VPS35L: variants seen among roughly 807,000 people sequenced by gnomAD.
VPS35L encodes the protein VPS35 endosomal protein-sorting factor-like.
VPS35L carries 83 observed loss-of-function variants against 133.0 expected under a neutral mutation model. The observed-to-expected ratio is 0.62, with a 90% CI of 0.52 to 0.75. The LOEUF is 0.75. Among genes scored for constraint, VPS35L ranks in the 30% least tolerant of loss-of-function variants. VPS35L has a pLI of 0.00. For synonymous variants in VPS35L, 423 were observed against 449.9 expected, an observed-to-expected ratio of 0.94 and a Z score of 0.76; for missense variants, 1,083 against 1,206.8, an observed-to-expected ratio of 0.90 and a Z score of 1.52.
intron 21 of VPS35L, 118 bp from the exon 22 acceptor site, chr16:19,642,278 A>G: frequency 1.3e-6 from 1 of 789,544 alleles, no homozygotes; most frequent in South Asian, 1.9e-5. Flanking sequence ...GGGCTGGGTG[A>G]AATGCCAGCT....
chr16:19,597,594 CA>C (rs1972257106), intron 8 of VPS35L, among the ~76,000 whole-genome samples: 1 of 152,178 alleles, frequency 6.6e-6, no homozygotes, highest in African/African-American at 2.4e-5. Flanking sequence ...TTTACCTATT[CA>C]AAACCAAACA....
At chr16:19,555,785 G>C (rs1310766530) in intron 1 of VPS35L, 39 bp downstream of exon 1, 1 of 1,540,220 alleles carries the variant, frequency 6.5e-7, no homozygotes, top group Non-Finnish European at 8.7e-7. Context: ...GAGAGGGGCT[G>C]TCCTTACTTG....
At chr16:19,575,816 TTG>T (rs1971514038) in intron 5 of VPS35L, among the ~76,000 whole-genome samples, 2 of 148,532 alleles carry the variant, frequency 1.3e-5, no homozygotes, top group African/African-American at 5.0e-5. Flanking sequence ...TGAGCCAAGA[TTG>T]CACTCCAGCC....
At chr16:19,698,703 G>A (rs1762949540) in intron 29 of VPS35L, among the ~76,000 whole-genome samples, 1 of 152,148 alleles carries the variant, frequency 6.6e-6, no homozygotes, top group South Asian at 2.1e-4. Flanking sequence ...GAGACTCTTG[G>A]CAGCACTGAT....
At chr16:19,565,638 C>G (rs1006942383) in intron 2 of VPS35L, among the ~76,000 whole-genome samples, 1 of 152,204 alleles carries the variant, frequency 6.6e-6, no homozygotes, top group African/African-American at 2.4e-5. Flanking sequence ...CAGGAGTGAG[C>G]CACCTCGCCC....
chr16:19,665,844 C>T (rs916513952), intron 26 of VPS35L, among the ~76,000 whole-genome samples: 29 of 152,322 alleles, frequency 1.9e-4, no homozygotes, highest in East Asian at 1.2e-3. Flanking sequence ...CAGCATTTGT[C>T]GTTGCCTGTC....
chr16:19,591,552 C>T (rs1477426967), intron 7 of VPS35L, among the ~76,000 whole-genome samples: 1 of 124,554 alleles, frequency 8.0e-6, no homozygotes, highest in East Asian at 2.2e-4. Flanking sequence ...CCCATCTCTA[C>T]AAAAAAAAAA....
chr16:19,650,862 T>C (rs1374938818), intron 25 of VPS35L, among the ~76,000 whole-genome samples: 1 of 152,064 alleles, frequency 6.6e-6, no homozygotes, highest in Non-Finnish European at 1.5e-5. Flanking sequence ...TTCCTCTAGA[T>C]AATAATGATG....
intron 2 of VPS35L, among the ~76,000 whole-genome samples, chr16:19,566,917 T>C (rs766834228): frequency 5.5e-4 from 83 of 152,046 alleles, no homozygotes; most frequent in Middle Eastern, 3.2e-3. Context: ...GCCCAGCTAA[T>C]TTTTTTGTCT....
At position 19,700,553 on chromosome 16, in the gene VPS35L, C is replaced by G. The variant is rs924845069; in HGVS notation, c.*77C>G. 11 of 1,229,802 alleles carry G rather than the reference C, an allele frequency of 8.9e-6. No homozygotes were observed. In the African/African-American group the frequency reaches 1.4e-4, roughly 15 times the overall value. The allele number at this position is 1,229,802 out of a possible 1,614,324, so 76.2% of individuals were successfully genotyped here. ...TCTGCTCTGCTGCCCTGAACTCTTACGGCAATTTAGGTTTCTCATTTTTCT... is the reference window on the plus strand; with the variant it reads ...TCTGCTCTGCTGCCCTGAACTCTTAGGGCAATTTAGGTTTCTCATTTTTCT... On this transcript the variant is annotated 3_prime_UTR_variant, in exon 31 of 31. Transcript: ENST00000417362.
chr16:19,678,674 C>A (rs1476693622), intron 27 of VPS35L, among the ~76,000 whole-genome samples: 1 of 151,884 alleles, frequency 6.6e-6, no homozygotes, highest in African/African-American at 2.4e-5. Flanking sequence ...GATGGGGTTT[C>A]ACCATGTTGG....
intron 26 of VPS35L, among the ~76,000 whole-genome samples, chr16:19,658,258 G>A (rs772825626): frequency 6.6e-6 from 1 of 152,292 alleles, no homozygotes; most frequent in Non-Finnish European, 1.5e-5. Context: ...GGCTGGGCGC[G>A]GTGGCTCAGA....
intron 19 of VPS35L, among the ~76,000 whole-genome samples, chr16:19,634,950 A>G (rs1234202069): frequency 6.6e-6 from 1 of 152,236 alleles, no homozygotes; most frequent in African/African-American, 2.4e-5. Context: ...TAGTACCCTA[A>G]GAAAGACACA....
At chr16:19,616,862 CT>C in intron 14 of VPS35L, 54 bp downstream of exon 14, 1 of 1,612,312 alleles carries the variant, frequency 6.2e-7, no homozygotes, top group Non-Finnish European at 8.5e-7. Context: ...GTGACAGCCC[CT>C]GCCCACTGTG....
intron 14 of VPS35L, among the ~76,000 whole-genome samples, chr16:19,618,721 A>G (rs1295853842): frequency 6.6e-6 from 1 of 152,124 alleles, no homozygotes; most frequent in Non-Finnish European, 1.5e-5. Context: ...TGGGAGCAAT[A>G]TTAATGATTC....
chr16:19,676,124 C>T (rs143694112), intron 27 of VPS35L, among the ~76,000 whole-genome samples: 1,668 of 152,176 alleles, frequency 0.011, 37 homozygotes, highest in Non-Finnish European at 0.011. Flanking sequence ...TGGTGGCATG[C>T]GCCCATAACC....
chr16:19,621,055 G>A (rs1044063653), intron 14 of VPS35L, among the ~76,000 whole-genome samples: 2 of 152,122 alleles, frequency 1.3e-5, no homozygotes, highest in South Asian at 4.1e-4. Flanking sequence ...TATATCCATG[G>A]CATGGATTAA....
rs1975313049 is a variant in VPS35L, at chr16:19,682,352, C to T, written c.2489C>T (p.Ala830Val). The T allele has an allele frequency of 7.4e-6, 12 of 1,614,234 alleles. No individual in the cohort carries two copies. Among genetic ancestry groups the T allele is most frequent in the Non-Finnish European group, 7.6e-6 (9 of 1,180,046 alleles). Reference protein sequence around the residue: ...IYTCVLHLLSAMSQETYLYHI... With the variant: ...IYTCVLHLLSVMSQETYLYHI... ...ACCTGCGTCCTGCATCTCCTCTCCG[C>T]CATGAGCCAGGAGACGTACCTTTAC... Residue 830 changes from alanine to valine, a missense_variant, in exon 28 of 31, where the codon GCC (alanine) becomes GTC (valine). Transcript: ENST00000417362.
In VPS35L at chr16:19,633,027, C is replaced by T; in HGVS notation, c.1555-65C>T. The stretch of plus-strand genomic sequence containing the variant: ...TTCTGAATACGTTAGTCCTTTCCCC[C>T]AGGAACATGGTCAGCAGTTGCCATA... On this transcript the variant is annotated intron_variant, in intron 18 of 30. Coordinates refer to ENST00000417362, the MANE Select transcript of VPS35L (RefSeq NM_020314.7). This position sits in a 1 kb window ranked among gnomAD's most constrained non-coding sequence, Gnocchi z 4.1. 1 of 1,273,888 alleles carries T rather than the reference C, an allele frequency of 7.8e-7. No homozygotes were observed. Among genetic ancestry groups the T allele is most frequent in the Non-Finnish European group, 1.1e-6 (1 of 871,836 alleles). The allele number at this position is 1,273,888 out of a possible 1,614,324, so 78.9% of individuals were successfully genotyped here. A position where few individuals can be genotyped will look rare whatever the true frequency, so the allele number is the denominator to read the frequency against.
Sources: allele counts gnomAD v4.1 joint callset (sites outside exome capture counted in the v4.1 genomes callset), GRCh38; gene constraint gnomAD v4.1.1; non-coding constraint Gnocchi (gnomAD v3.1); transcripts MANE v1.5; gene names NCBI Gene and HGNC (gene_info 2026-07-23, HGNC 2026-07-21).